The following GRM8 variants were observed in gnomAD, a reference collection of about 807,000 sequenced individuals.
The protein encoded by GRM8 is metabotropic glutamate receptor 8.
Under a neutral mutation model 87.2 loss-of-function variants are expected in GRM8, and 47 were observed. The ratio of observed to expected loss-of-function variants is 0.54; its 90% CI spans 0.43 to 0.69. The LOEUF is 0.69. Among genes scored for constraint, GRM8 ranks in the 30% least tolerant of loss-of-function variants. GRM8 has a pLI of 0.00. For missense variants in GRM8, 1,019 were observed against 1,139.2 expected (o/e 0.89, Z 1.52); for synonymous variants, 396 against 404.5 (o/e 0.98, Z 0.25).
intron 6 of GRM8, among the ~76,000 whole-genome samples, chr7:126,844,575 G>T (rs1332111755): frequency 6.6e-6 from 1 of 152,114 alleles, no homozygotes; most frequent in Non-Finnish European, 1.5e-5. Flanking sequence ...CTGTCTGTTT[G>T]CTCAGGCTGC....
intron 6 of GRM8, among the ~76,000 whole-genome samples, chr7:126,864,053 T>G (rs1798382441): frequency 7.3e-6 from 1 of 137,490 alleles, no homozygotes; most frequent in Non-Finnish European, 1.6e-5. Context: ...TTTTTTTTTG[T>G]AGAGACAAAG....
intron 8 of GRM8, among the ~76,000 whole-genome samples, chr7:126,554,546 T>C (rs1792934524): frequency 6.6e-6 from 1 of 152,120 alleles, no homozygotes. Context: ...TGAGTTATGA[T>C]CGTGCCACTG....
chr7:126,503,931 T>C (rs1236922082), intron 9 of GRM8, among the ~76,000 whole-genome samples: 1 of 152,062 alleles, frequency 6.6e-6, no homozygotes, highest in Non-Finnish European at 1.5e-5. Context: ...ACATGAAGGA[T>C]GTGGCTCTGG....
At chr7:127,067,025 G>T (rs938156873) in intron 3 of GRM8, among the ~76,000 whole-genome samples, 1 of 152,148 alleles carries the variant, frequency 6.6e-6, no homozygotes, top group Non-Finnish European at 1.5e-5. Flanking sequence ...ATTCTCCCCC[G>T]ACAGTCTGTG....
intron 6 of GRM8, among the ~76,000 whole-genome samples, chr7:126,781,709 T>TTTTA (rs1677353281): frequency 6.6e-6 from 1 of 152,248 alleles, no homozygotes; most frequent in East Asian, 1.9e-4. Flanking sequence ...TTCTAAAAAA[T>TTTTA]TTTATTTATT....
intron 3 of GRM8, among the ~76,000 whole-genome samples, chr7:126,973,539 T>C (rs760711263): frequency 1.3e-5 from 2 of 152,204 alleles, no homozygotes; most frequent in African/African-American, 2.4e-5. Context: ...ATGTCAGTGA[T>C]AAGTTTATTA....
At chr7:126,824,735 A>C (rs1322660585) in intron 6 of GRM8, among the ~76,000 whole-genome samples, 1 of 152,252 alleles carries the variant, frequency 6.6e-6, no homozygotes, top group Non-Finnish European at 1.5e-5. Context: ...TTAAGCAAAA[A>C]TAGGAATATA....
At position 126,463,415 on chromosome 7, in the gene GRM8, A is replaced by G. The variant is rs1312506281; in HGVS notation, c.2431-17043T>C. On this transcript the variant is annotated intron_variant, in intron 9 of 10. Coordinates refer to ENST00000339582, the MANE Select transcript of GRM8 (RefSeq NM_000845.3). The stretch of plus-strand genomic sequence containing the variant: ...CTGAGAAGGATGACAGATGATTTCC[A>G]TGGCTATGGCAGAAAAATGAAATTA... Among the ~76,000 whole-genome samples, 6 of 151,658 alleles carry G rather than the reference A, an allele frequency of 4.0e-5. No individual in the cohort carries two copies. The East Asian group carries it at 1.2e-3, about 29-fold the overall frequency.
At chr7:126,630,061 G>A (rs1801102215) in intron 7 of GRM8, among the ~76,000 whole-genome samples, 1 of 151,658 alleles carries the variant, frequency 6.6e-6, no homozygotes, top group Non-Finnish European at 1.5e-5. Flanking sequence ...CATATTCTCT[G>A]ACCATTATGT....
At chr7:126,881,196 T>C (rs1160171503) in intron 6 of GRM8, among the ~76,000 whole-genome samples, 1 of 152,110 alleles carries the variant, frequency 6.6e-6, no homozygotes, top group Non-Finnish European at 1.5e-5. Context: ...TTGCATAAAT[T>C]GTAGACAGAC....
chr7:126,942,022 G>A (rs930369842), intron 3 of GRM8, among the ~76,000 whole-genome samples: 1 of 152,192 alleles, frequency 6.6e-6, no homozygotes, highest in African/African-American at 2.4e-5. Flanking sequence ...AAACTTGAGA[G>A]AATTAGCAAA....
chr7:127,195,760 C>G lies in GRM8; in HGVS notation c.510+46935G>C, dbSNP rs188286102. 2.1e-4 allele frequency among the ~76,000 whole-genome samples: 32 copies of G among 152,264 alleles called. 1 individual carries two copies. The highest frequency in any genetic ancestry group is 2.1e-3 in the Admixed American group (32 of 15,284). On this transcript the variant is annotated intron_variant, in intron 2 of 10. Coordinates refer to ENST00000339582, the MANE Select transcript of GRM8 (RefSeq NM_000845.3). ...GCTCTTCCCTCTGCTCCCACCAAAC[C>G]CTGAGCATCTCTCTTCACAGCATTC... is the stretch of plus-strand genomic sequence containing the variant.
intron 6 of GRM8, among the ~76,000 whole-genome samples, chr7:126,878,599 A>G (rs1799739893): frequency 6.8e-6 from 1 of 147,406 alleles, no homozygotes; most frequent in Non-Finnish European, 1.5e-5. Context: ...AGCTCACTGC[A>G]ACCTCCACTT....
At chr7:127,011,873 C>T (rs1814931197) in intron 3 of GRM8, among the ~76,000 whole-genome samples, 1 of 152,114 alleles carries the variant, frequency 6.6e-6, no homozygotes, top group Non-Finnish European at 1.5e-5. Context: ...TACAGCTGCC[C>T]TCTAATCCAG....
chr7:127,042,900 C>T (rs1818564631), intron 3 of GRM8, among the ~76,000 whole-genome samples: 1 of 152,122 alleles, frequency 6.6e-6, no homozygotes, highest in South Asian at 2.1e-4. Flanking sequence ...CTACAAAGAA[C>T]TCAAACAAAT....
chr7:126,773,455 T>G (rs1819069342), intron 6 of GRM8, among the ~76,000 whole-genome samples: 1 of 152,142 alleles, frequency 6.6e-6, no homozygotes, highest in African/African-American at 2.4e-5. Flanking sequence ...TAGACATGTG[T>G]GAATGTTTTA....
intron 3 of GRM8, among the ~76,000 whole-genome samples, chr7:127,024,076 G>C (rs959832728): frequency 6.6e-6 from 1 of 152,034 alleles, no homozygotes. Flanking sequence ...TTTTAAAAGA[G>C]GGAATTTAGT....
rs775100368 is a variant in GRM8, at chr7:127,106,449, G to A, written c.727+47C>T. On this transcript the variant is annotated intron_variant, in intron 3 of 10. Transcript: ENST00000339582. ...AGCACTTGGAGATGCTCAGGCATCA[G>A]CAATCTGTCACCTCCAAATACAATC... 2.1e-5 allele frequency: 31 copies of A among 1,456,060 alleles called. 1 individual carries two copies. The South Asian group carries it at 3.4e-4, about 16-fold the overall frequency. 90.2% of individuals were successfully genotyped at this position (1,456,060 alleles called of 1,614,324 possible). A position where few individuals can be genotyped will look rare whatever the true frequency, so the allele number is the denominator to read the frequency against.
At chr7:126,964,307 T>C (rs924375248) in intron 3 of GRM8, among the ~76,000 whole-genome samples, 6 of 152,082 alleles carry the variant, frequency 3.9e-5, no homozygotes, top group African/African-American at 1.4e-4. Flanking sequence ...AAAGCCAAAA[T>C]TGACAAATGA....
Sources: allele counts gnomAD v4.1 joint callset (sites outside exome capture counted in the v4.1 genomes callset), GRCh38; gene constraint gnomAD v4.1.1; transcripts MANE v1.5; gene names NCBI Gene and HGNC (gene_info 2026-07-23, HGNC 2026-07-21).